Variants in CSMD1 observed in about 807,000 individuals in gnomAD.
CSMD1 encodes CUB and sushi domain-containing protein 1.
Under a neutral mutation model 417.5 loss-of-function variants are expected in CSMD1, and 213 were observed. The ratio of observed to expected loss-of-function variants is 0.51; its 90% CI spans 0.46 to 0.57. CSMD1 has a LOEUF of 0.57. CSMD1 is among the 20% of genes least tolerant of loss of function. The pLI is 0.00. For synonymous variants in CSMD1, 2,862 were observed against 1,736.8 expected (o/e 1.65, Z -16.11); for missense variants, 6,923 against 4,529.7 (o/e 1.53, Z -15.17).
chr8:4,689,926 A>G lies in CSMD1; in HGVS notation c.86-52368T>C, dbSNP rs536124698. Among the ~76,000 whole-genome samples, 487 of 152,296 alleles carry G rather than the reference A, an allele frequency of 3.2e-3. 1 individual carries two copies. The highest frequency in any genetic ancestry group is 5.8e-3 in the Non-Finnish European group (397 of 68,018). On this transcript the variant is annotated intron_variant, in intron 1 of 69. Coordinates refer to ENST00000635120, the MANE Select transcript of CSMD1 (RefSeq NM_033225.6). ...AGCCTGTTTTAATACACAGCTACAA[A>G]TGTTATCACTTTCTCCCCTGCAGGA...
At chr8:3,892,361 G>T (rs751392219) in intron 5 of CSMD1, among the ~76,000 whole-genome samples, 2 of 152,060 alleles carry the variant, frequency 1.3e-5, no homozygotes, top group East Asian at 1.9e-4. Context: ...TGTGGGGAAC[G>T]TATTATGCTT....
At chr8:2,976,542 T>C (rs960495178) in intron 55 of CSMD1, among the ~76,000 whole-genome samples, 5 of 152,062 alleles carry the variant, frequency 3.3e-5, no homozygotes, top group Non-Finnish European at 7.4e-5. Flanking sequence ...AGAGATGGAG[T>C]CTGGCTAGGT....
At chr8:3,093,326 T>A (rs1283073050) in intron 47 of CSMD1, among the ~76,000 whole-genome samples, 9 of 152,174 alleles carry the variant, frequency 5.9e-5, no homozygotes, top group Non-Finnish European at 2.9e-5. Flanking sequence ...CCCGCCCTTC[T>A]GACCCCTTCC....
chr8:4,750,162 C>T (rs1355243301), intron 1 of CSMD1, among the ~76,000 whole-genome samples: 5 of 152,012 alleles, frequency 3.3e-5, no homozygotes, highest in Non-Finnish European at 5.9e-5. Context: ...CCCGCCACCA[C>T]GCCCGGCTAA....
intron 1 of CSMD1, among the ~76,000 whole-genome samples, chr8:4,802,494 G>C (rs1463179994): frequency 2.0e-5 from 3 of 150,488 alleles, no homozygotes; most frequent in Non-Finnish European, 4.4e-5. Context: ...ATAAAAACAA[G>C]ACACCACTTA....
At chr8:4,297,582 A>G (rs1797755699) in intron 3 of CSMD1, among the ~76,000 whole-genome samples, 1 of 152,156 alleles carries the variant, frequency 6.6e-6, no homozygotes, top group East Asian at 1.9e-4. Flanking sequence ...TTAATTTTAG[A>G]TGTTTAAAAT....
rs773322854 is a variant in CSMD1, at chr8:3,151,365, A to T, written c.6031+32T>A. Reference sequence around the variant, plus strand: ...TTCCAAGATGGAAATGAAAAAAATGAACTTTTAGGAATTGGTAACATTTTC... The same window carrying T: ...TTCCAAGATGGAAATGAAAAAAATGTACTTTTAGGAATTGGTAACATTTTC... On this transcript the variant is annotated intron_variant, in intron 40 of 69. Transcript: ENST00000635120. 3.2e-5 allele frequency: 44 copies of T among 1,379,446 alleles called. 1 individual carries two copies. The Middle Eastern group carries it at 1.4e-3, about 44-fold the overall frequency. 85.5% of individuals were successfully genotyped at this position (1,379,446 alleles called of 1,614,324 possible).
At position 4,989,895 on chromosome 8, in the gene CSMD1, T is replaced by A. The variant is rs79128080; in HGVS notation, c.85+4437A>T. Among the ~76,000 whole-genome samples, 289 of 152,302 alleles carry A rather than the reference T, an allele frequency of 1.9e-3. 1 individual carries two copies. The highest frequency in any genetic ancestry group is 0.014 in the Admixed American group (216 of 15,292). ...TGACATTTTTAAAGCTGGGTTGGTG[T>A]TTGCTTGACACAATAAACTGGAGAG... is the stretch of plus-strand genomic sequence containing the variant. On this transcript the variant is annotated intron_variant, in intron 1 of 69. Coordinates refer to ENST00000635120, the MANE Select transcript of CSMD1 (RefSeq NM_033225.6).
chr8:4,561,016 A>G lies in CSMD1; in HGVS notation c.302+76326T>C, dbSNP rs568260550. Among the ~76,000 whole-genome samples, 6 of 152,346 alleles carry G rather than the reference A, an allele frequency of 3.9e-5. No individual in the cohort carries two copies. The South Asian group carries it at 1.2e-3, about 32-fold the overall frequency. On this transcript the variant is annotated intron_variant, in intron 2 of 69. Coordinates refer to ENST00000635120, the MANE Select transcript of CSMD1 (RefSeq NM_033225.6). Reference sequence around the variant, plus strand: ...TCTTACACAGTGCTTTGTGTGTAGTATATATTCAACCCATACCAATCCACA... The same window carrying G: ...TCTTACACAGTGCTTTGTGTGTAGTGTATATTCAACCCATACCAATCCACA...
intron 2 of CSMD1, among the ~76,000 whole-genome samples, chr8:4,544,887 T>C (rs1370530628): frequency 6.6e-6 from 1 of 152,228 alleles, no homozygotes; most frequent in East Asian, 1.9e-4. Flanking sequence ...ATCTTCTCCA[T>C]CACATTGGTC....
At chr8:4,197,319 C>G (rs1002641482) in intron 3 of CSMD1, among the ~76,000 whole-genome samples, 2 of 152,162 alleles carry the variant, frequency 1.3e-5, no homozygotes, top group South Asian at 2.1e-4. Context: ...ATACAACAAC[C>G]TGACTTGGCC....
intron 8 of CSMD1, among the ~76,000 whole-genome samples, chr8:3,599,949 G>A (rs1413108581): frequency 6.6e-6 from 1 of 152,160 alleles, no homozygotes; most frequent in East Asian, 1.9e-4. Context: ...AAAGCAAAGT[G>A]TCGGTCTCTA....
chr8:2,974,710 T>G (rs190353376), intron 55 of CSMD1, 86 bp from the exon 56 acceptor site: 34 of 910,832 alleles, frequency 3.7e-5, no homozygotes, highest in South Asian at 5.6e-5. Flanking sequence ...ACACCCATAC[T>G]GACATCATGT....
At chr8:3,807,806 C>A (rs73504732) in intron 5 of CSMD1, among the ~76,000 whole-genome samples, 1 of 152,124 alleles carries the variant, frequency 6.6e-6, no homozygotes, top group African/African-American at 2.4e-5. Flanking sequence ...GGCAGATGCA[C>A]AGACCCTCAC....
At chr8:3,924,489 T>C (rs1584973734) in intron 5 of CSMD1, among the ~76,000 whole-genome samples, 1 of 152,208 alleles carries the variant, frequency 6.6e-6, no homozygotes, top group African/African-American at 2.4e-5. Context: ...ACTTCTATGA[T>C]ACATATATTG....
chr8:4,123,733 T>C (rs960703737), intron 3 of CSMD1, among the ~76,000 whole-genome samples: 66 of 152,196 alleles, frequency 4.3e-4, no homozygotes, highest in Admixed American at 4.3e-3. Context: ...TGTAGATCAT[T>C]AGAATTCAAT....
chr8:4,121,190 C>G (rs1262315460), intron 3 of CSMD1, among the ~76,000 whole-genome samples: 2 of 152,140 alleles, frequency 1.3e-5, no homozygotes. Context: ...TCTTAGCTCA[C>G]AGCAACCTCT....
At chr8:4,406,930 C>A (rs570419038) in intron 3 of CSMD1, among the ~76,000 whole-genome samples, 1 of 152,076 alleles carries the variant, frequency 6.6e-6, no homozygotes, top group Admixed American at 6.6e-5. Context: ...ATAACAAGAC[C>A]AAGCTGACTT....
intron 50 of CSMD1, among the ~76,000 whole-genome samples, chr8:3,031,282 G>T (rs1328997429): frequency 1.4e-5 from 2 of 143,940 alleles, no homozygotes; most frequent in African/African-American, 5.1e-5. Context: ...CATGGACACA[G>T]GAAGGGGAAC....
Sources: allele counts gnomAD v4.1 joint callset (sites outside exome capture counted in the v4.1 genomes callset), GRCh38; gene constraint gnomAD v4.1.1; transcripts MANE v1.5; gene names NCBI Gene and HGNC (gene_info 2026-07-23, HGNC 2026-07-21).